SLC25A33: variants seen among roughly 807,000 people sequenced by gnomAD.
The protein encoded by SLC25A33 is solute carrier family 25 member 33.
A neutral mutation model predicts 35.5 loss-of-function variants in SLC25A33; 15 were observed. That is an observed-to-expected ratio of 0.42 (90% CI 0.28 to 0.65). The LOEUF is 0.65. Among genes scored for constraint, SLC25A33 ranks in the 30% least tolerant of loss-of-function variants. The pLI is 0.20. For missense variants in SLC25A33, 257 were observed against 398.5 expected, an observed-to-expected ratio of 0.64 and a Z score of 3.02; for synonymous variants, 136 against 148.7, an observed-to-expected ratio of 0.91 and a Z score of 0.62.
Position 9,582,424 on chromosome 1 carries a change from C to T in SLC25A33, c.889C>T (p.Arg297Trp), listed in dbSNP as rs552875227. 6.8e-6 allele frequency: 11 copies of T among 1,613,942 alleles called. No homozygotes were observed. The highest frequency in any genetic ancestry group is 1.1e-5 in the South Asian group (1 of 91,072). Residue 297 changes from arginine to tryptophan, a missense_variant, in exon 7 of 7, where the codon CGG (arginine) becomes TGG (tryptophan). Coordinates refer to ENST00000302692, the MANE Select transcript of SLC25A33 (RefSeq NM_032315.3). The surrounding 1 kb of genome is among the most constrained non-coding windows in gnomAD (Gnocchi z 4.0). Reference sequence around the variant, plus strand: ...TAGAGGACTGTTTGCCCAGCTTATCCGGCAGATCCCAAATACTGCCATTGT... The same window carrying T: ...TAGAGGACTGTTTGCCCAGCTTATCTGGCAGATCCCAAATACTGCCATTGT... The part of the protein sequence containing the change: ...FYRGLFAQLI[R>W]QIPNTAIVLS...
chr1:9,572,281 AC>A lies in SLC25A33; in HGVS notation c.416-1062del, dbSNP rs145935390. On this transcript the variant is annotated intron_variant, in intron 4 of 6. Transcript: ENST00000302692. ...GTAACTTTTGCAAAGTTAACTTAGA[AC>A]CCTTGATAAATAAAGCAGACCTCAA... 9.6e-3 allele frequency among the ~76,000 whole-genome samples: 1,464 copies of A among 152,252 alleles called. 19 individuals are homozygous for A. The highest frequency in any genetic ancestry group is 0.033 in the African/African-American group (1,367 of 41,518).
intron 1 of SLC25A33, 69 bp downstream of exon 1, chr1:9,539,816 GCCCCAGC>G (rs1235172181): frequency 6.6e-5 from 82 of 1,239,458 alleles, no homozygotes; most frequent in Middle Eastern, 3.1e-4. Flanking sequence ...CCCGGGCGCG[GCCCCAGC>G]CTCCCGCGGC....
chr1:9,553,272 G>C (rs1405901242), intron 1 of SLC25A33, among the ~76,000 whole-genome samples: 1 of 133,378 alleles, frequency 7.5e-6, no homozygotes, highest in African/African-American at 2.8e-5. Flanking sequence ...TGTCACTCAG[G>C]CTGGAGTGCA....
chr1:9,559,770 C>T (rs545691796), intron 2 of SLC25A33, among the ~76,000 whole-genome samples: 2 of 152,304 alleles, frequency 1.3e-5, no homozygotes, highest in South Asian at 4.2e-4. Flanking sequence ...TCCTCTCTCA[C>T]CTGGATTATT....
At chr1:9,569,245 CAA>C (rs1274888663) in intron 3 of SLC25A33, among the ~76,000 whole-genome samples, 3 of 103,058 alleles carry the variant, frequency 2.9e-5, no homozygotes, top group Admixed American at 1.0e-4. Flanking sequence ...AACTCCATCT[CAA>C]AAAAAAAAAA....
chr1:9,542,110 T>C (rs1319482149), intron 1 of SLC25A33, among the ~76,000 whole-genome samples: 1 of 152,202 alleles, frequency 6.6e-6, no homozygotes, highest in East Asian at 1.9e-4. Flanking sequence ...AGGTGGTCTT[T>C]TACAATTTTT....
In SLC25A33 at chr1:9,584,189, C is replaced by G. The variant is rs996860373; in HGVS notation, c.*1688C>G. On this transcript the variant is annotated 3_prime_UTR_variant, in exon 7 of 7. Coordinates refer to ENST00000302692, the MANE Select transcript of SLC25A33 (RefSeq NM_032315.3). ...TCTAGAAAGATACTCATTTCTAATA[C>G]CTATGCACTGTAGTTTCAGGTTTAC... 6.6e-6 allele frequency: 1 copy of G among 152,098 alleles called. No homozygotes were observed. Among genetic ancestry groups the G allele is most frequent in the Non-Finnish European group, 1.5e-5 (1 of 68,016 alleles). The allele number at this position is 152,098 out of a possible 1,614,324, so 9.4% of individuals were successfully genotyped here.
At chr1:9,568,601 C>T (rs1643543742) in intron 3 of SLC25A33, among the ~76,000 whole-genome samples, 1 of 152,138 alleles carries the variant, frequency 6.6e-6, no homozygotes. Flanking sequence ...CCTGTAATCC[C>T]AGCACTTTGG....
At chr1:9,564,739 AATATATATATATAT>A (rs70979762) in intron 2 of SLC25A33, among the ~76,000 whole-genome samples, 1 of 96,584 alleles carries the variant, frequency 1.0e-5, no homozygotes, top group Non-Finnish European at 2.0e-5. Context: ...AAAAAAAAAA[AATATATATATATAT>A]ATATATATAT....
At chr1:9,547,975 C>T (rs1359555510) in intron 1 of SLC25A33, among the ~76,000 whole-genome samples, 1 of 152,054 alleles carries the variant, frequency 6.6e-6, no homozygotes, top group East Asian at 1.9e-4. Context: ...CCTCAGCCTC[C>T]GGGGTAGCTG....
intron 2 of SLC25A33, among the ~76,000 whole-genome samples, chr1:9,560,418 G>C (rs554474620): frequency 6.6e-6 from 1 of 151,882 alleles, no homozygotes; most frequent in Non-Finnish European, 1.5e-5. Flanking sequence ...CAAAAAATTA[G>C]CCAGGTGTGG....
intron 1 of SLC25A33, among the ~76,000 whole-genome samples, chr1:9,544,259 G>A (rs966456390): frequency 1.3e-5 from 2 of 151,590 alleles, no homozygotes; most frequent in Non-Finnish European, 2.9e-5. Flanking sequence ...ATCAGCTAAT[G>A]GTTAGTTTTT....
chr1:9,567,219 T>G, intron 2 of SLC25A33, 65 bp from the exon 3 acceptor site: 1 of 1,343,658 alleles, frequency 7.4e-7, no homozygotes, highest in Non-Finnish European at 1.1e-6. Context: ...GAAGGTTGAC[T>G]CTTTATCATT....
intron 6 of SLC25A33, among the ~76,000 whole-genome samples, chr1:9,580,597 C>T (rs1643728886): frequency 6.6e-6 from 1 of 152,164 alleles, no homozygotes; most frequent in Non-Finnish European, 1.5e-5. Flanking sequence ...GTGGCTCACG[C>T]CTGTAATCCC....
intron 2 of SLC25A33, among the ~76,000 whole-genome samples, chr1:9,565,222 T>C (rs535496086): frequency 2.6e-5 from 4 of 152,220 alleles, no homozygotes; most frequent in African/African-American, 9.6e-5. Context: ...GTCACTCAAC[T>C]GTACACTTAA....
chr1:9,556,242 A>C, intron 2 of SLC25A33: 1 of 985,240 alleles, frequency 1.0e-6, no homozygotes, highest in East Asian at 1.1e-4. Context: ...TTTGGACATA[A>C]GGAAACTGAA....
rs564942915 is a variant in SLC25A33, at chr1:9,567,756, C to T, written c.314+395C>T. ...TAACAGAACCCCCAGGTGACTCCAA[C>T]GCAGTTAGAAACACTGATCCAGAGG... On this transcript the variant is annotated intron_variant, in intron 3 of 6. Coordinates refer to ENST00000302692, the MANE Select transcript of SLC25A33 (RefSeq NM_032315.3). Among the ~76,000 whole-genome samples the T allele has an allele frequency of 3.3e-5, 5 of 152,302 alleles. No individual in the cohort carries two copies. In the South Asian group the frequency reaches 1.0e-3, roughly 32 times the overall value.
At chr1:9,557,422 G>T (rs994008874) in intron 2 of SLC25A33, among the ~76,000 whole-genome samples, 1 of 152,052 alleles carries the variant, frequency 6.6e-6, no homozygotes, top group Non-Finnish European at 1.5e-5. Context: ...GGCTGGGCAC[G>T]GTGGCTCATG....
chr1:9,565,578 G>C (rs772798459), intron 2 of SLC25A33, among the ~76,000 whole-genome samples: 26 of 149,634 alleles, frequency 1.7e-4, no homozygotes, highest in Non-Finnish European at 3.4e-4. Flanking sequence ...AAAAAAAAAA[G>C]TTTAAAATTA....
Sources: allele counts gnomAD v4.1 joint callset (sites outside exome capture counted in the v4.1 genomes callset), GRCh38; gene constraint gnomAD v4.1.1; non-coding constraint Gnocchi (gnomAD v3.1); transcripts MANE v1.5; gene names NCBI Gene and HGNC (gene_info 2026-07-23, HGNC 2026-07-21).